The following DOCK7 variants were observed in gnomAD, a reference collection of about 807,000 sequenced individuals.
The protein encoded by DOCK7 is dedicator of cytokinesis 7.
In DOCK7, 138 loss-of-function variants were observed where a neutral mutation model predicts 271.0. The observed-to-expected ratio is 0.51, with a 90% CI of 0.44 to 0.59. The LOEUF (loss-of-function observed/expected upper bound fraction) is 0.59, where lower values mean the gene tolerates loss of function less well. DOCK7 is among the 20% of genes least tolerant of loss of function. DOCK7 has a pLI of 0.00. For missense variants in DOCK7, 2,066 were observed against 2,592.4 expected, an observed-to-expected ratio of 0.80 and a Z score of 4.41; for synonymous variants, 823 against 876.1, an observed-to-expected ratio of 0.94 and a Z score of 1.07.
chr1:62,633,710 GAACA>G (rs529947321), intron 9 of DOCK7, 132 bp from the exon 10 acceptor site: 82 of 624,456 alleles, frequency 1.3e-4, no homozygotes, highest in South Asian at 1.3e-3. Context: ...AATTGCTGTA[GAACA>G]AACATTAGAC....
chr1:62,615,134 T>G (rs551929511), intron 14 of DOCK7, among the ~76,000 whole-genome samples: 108 of 152,004 alleles, frequency 7.1e-4, no homozygotes, highest in Non-Finnish European at 1.2e-3. Context: ...TATTTCTTTA[T>G]GTAATTTGGA....
At chr1:62,542,364 A>G (rs1420260728) in intron 25 of DOCK7, among the ~76,000 whole-genome samples, 2 of 152,184 alleles carry the variant, frequency 1.3e-5, no homozygotes, top group Non-Finnish European at 2.9e-5. Context: ...AAATATAGCT[A>G]GCTTATGCAA....
chr1:62,577,403 T>C, intron 17 of DOCK7, 40 bp from the exon 18 acceptor site: 1 of 1,474,056 alleles, frequency 6.8e-7, no homozygotes, highest in Non-Finnish European at 9.3e-7. Flanking sequence ...TTAAATATGC[T>C]TGCTATAAAA....
intron 14 of DOCK7, chr1:62,601,330 G>A: frequency 2.9e-6 from 2 of 681,870 alleles, no homozygotes; most frequent in South Asian, 3.6e-5. Flanking sequence ...TGGATGCTGG[G>A]GTTCTTTTTA....
chr1:62,631,623 A>C (rs1199596701), intron 10 of DOCK7, among the ~76,000 whole-genome samples: 3 of 152,200 alleles, frequency 2.0e-5, no homozygotes, highest in African/African-American at 7.2e-5. Context: ...AGGTCTTTGA[A>C]ATTTCTATTT....
chr1:62,635,179 C>T (rs1655107522), intron 8 of DOCK7: 1 of 245,542 alleles, frequency 4.1e-6, no homozygotes, highest in Non-Finnish European at 7.6e-6. Flanking sequence ...ATTATACTCT[C>T]ATGTAAAGTT....
At chr1:62,532,225 G>C (rs1290958579) in intron 29 of DOCK7, among the ~76,000 whole-genome samples, 2 of 151,982 alleles carry the variant, frequency 1.3e-5, no homozygotes, top group Non-Finnish European at 2.9e-5. Flanking sequence ...AGTAGAGATG[G>C]GGTTTTACTA....
At chr1:62,475,971 CTCACTGT>C in intron 45 of DOCK7, 28 bp from the exon 46 acceptor site, 1 of 1,607,948 alleles carries the variant, frequency 6.2e-7, no homozygotes, top group Non-Finnish European at 8.5e-7. Context: ...CCTTCATTTC[CTCACTGT>C]TAAGTCATCA....
intron 14 of DOCK7, among the ~76,000 whole-genome samples, chr1:62,613,294 A>G (rs1401179332): frequency 6.6e-6 from 1 of 152,158 alleles, no homozygotes. Flanking sequence ...CAAGTCATTC[A>G]TTTTCTGATT....
At position 62,572,807 on chromosome 1, in the gene DOCK7, T is replaced by C. The variant is rs553277056; in HGVS notation, c.2112+4455A>G. The stretch of plus-strand genomic sequence containing the variant: ...CATATGATTTTTTGGGGGGAAACAA[T>C]CTGTTCCATAGCAGAGAGATTAAGA... On this transcript the variant is annotated intron_variant, in intron 18 of 49. Coordinates refer to ENST00000635253, the MANE Select transcript of DOCK7 (RefSeq NM_001367561.1). Among the ~76,000 whole-genome samples, 314 of 152,268 alleles carry C rather than the reference T, an allele frequency of 2.1e-3. 2 individuals are homozygous for C. The highest frequency in any genetic ancestry group is 7.2e-3 in the African/African-American group (299 of 41,550).
chr1:62,506,379 C>T (rs1392727511), intron 35 of DOCK7, among the ~76,000 whole-genome samples: 1 of 152,126 alleles, frequency 6.6e-6, no homozygotes, highest in African/African-American at 2.4e-5. Flanking sequence ...ATGATGGCCG[C>T]AGCTCAAGCA....
At chr1:62,668,180 G>A (rs1002906943) in intron 1 of DOCK7, among the ~76,000 whole-genome samples, 4 of 152,152 alleles carry the variant, frequency 2.6e-5, no homozygotes, top group African/African-American at 9.7e-5. Flanking sequence ...GAAATACAGA[G>A]AACAGTATAA....
At chr1:62,578,993 ACAGT>A (rs767485866) in intron 16 of DOCK7, 27 bp from the exon 17 acceptor site, 2 of 1,511,940 alleles carry the variant, frequency 1.3e-6, no homozygotes, top group Admixed American at 2.4e-5. Flanking sequence ...AAAAAAATCA[ACAGT>A]CAGTAATTTG....
chr1:62,686,987 C>G (rs1229780278), intron 1 of DOCK7, among the ~76,000 whole-genome samples: 1 of 152,032 alleles, frequency 6.6e-6, no homozygotes, highest in Non-Finnish European at 1.5e-5. Context: ...GCTATGTTGC[C>G]CAGGCTGGTC....
intron 33 of DOCK7, chr1:62,510,988 A>G (rs981332904): frequency 4.5e-6 from 1 of 223,224 alleles, no homozygotes; most frequent in Admixed American, 5.5e-5. Flanking sequence ...TTTATTTCCT[A>G]CCATTCTTCC....
intron 22 of DOCK7, among the ~76,000 whole-genome samples, chr1:62,550,109 A>AT (rs1432649479): frequency 1.3e-5 from 2 of 152,228 alleles, no homozygotes; most frequent in South Asian, 2.1e-4. Flanking sequence ...GAGAGGAATC[A>AT]TTTTTTTCAA....
At chr1:62,623,522 G>A (rs1294863129) in intron 12 of DOCK7, among the ~76,000 whole-genome samples, 1 of 152,178 alleles carries the variant, frequency 6.6e-6, no homozygotes, top group Non-Finnish European at 1.5e-5. Context: ...GGGGGTAGAT[G>A]GCTTATTGAT....
chr1:62,534,230 C>G (rs1340925729), intron 29 of DOCK7, among the ~76,000 whole-genome samples: 1 of 152,106 alleles, frequency 6.6e-6, no homozygotes, highest in Non-Finnish European at 1.5e-5. Context: ...GAACTCCTGA[C>G]CTCAAGTGAT....
chr1:62,662,914 A>T, intron 2 of DOCK7, 111 bp downstream of exon 2: 1 of 720,230 alleles, frequency 1.4e-6, no homozygotes, highest in Non-Finnish European at 2.2e-6. Flanking sequence ...GTAACAAGTA[A>T]GGTTATGAGA....
Sources: gnomAD v4.1 joint callset for allele counts (sites outside exome capture counted in the v4.1 genomes callset) on GRCh38, gnomAD v4.1.1 for gene constraint, MANE v1.5 for transcripts, NCBI Gene and HGNC (gene_info 2026-07-23, HGNC 2026-07-21) for gene names.